The following FAM117A variants were observed in gnomAD, a reference collection of about 807,000 sequenced individuals.
The protein encoded by FAM117A is protein FAM117A.
In FAM117A, 21 loss-of-function variants were observed where a neutral mutation model predicts 44.1. That is an observed-to-expected ratio of 0.48 (90% CI 0.34 to 0.69). The LOEUF (loss-of-function observed/expected upper bound fraction) is 0.69, where lower values mean the gene tolerates loss of function less well. Among genes scored for constraint, FAM117A ranks in the 30% least tolerant of loss-of-function variants. The probability of loss-of-function intolerance (pLI) is 0.01; values close to 1 mark genes in which losing one functional copy is unlikely to be tolerated. For synonymous variants in FAM117A, 220 were observed against 238.3 expected (o/e 0.92, Z 0.71); for missense variants, 498 against 589.9 (o/e 0.84, Z 1.61).
intron 1 of FAM117A, among the ~76,000 whole-genome samples, chr17:49,752,671 C>T (rs1484631980): frequency 6.6e-6 from 1 of 152,164 alleles, no homozygotes; most frequent in African/African-American, 2.4e-5. Flanking sequence ...GTTAGCCACT[C>T]ATTCTACATG....
chr17:49,780,392 T>C (rs1328568115), intron 1 of FAM117A, among the ~76,000 whole-genome samples: 2 of 152,190 alleles, frequency 1.3e-5, no homozygotes, highest in African/African-American at 4.8e-5. Flanking sequence ...CAAGACTGAC[T>C]AGGGCTTTTA....
At chr17:49,779,297 A>G (rs2073783069) in intron 1 of FAM117A, among the ~76,000 whole-genome samples, 1 of 152,200 alleles carries the variant, frequency 6.6e-6, no homozygotes. Flanking sequence ...CAGATTACTA[A>G]TGCTACTTAC....
At position 49,722,593 on chromosome 17, in the gene FAM117A, G is replaced by A; in HGVS notation, c.368C>T (p.Thr123Met). Residue 123 changes from threonine to methionine, a missense_variant and splice_region_variant, in exon 3 of 8, where the codon ACG (threonine) becomes ATG (methionine). Transcript: ENST00000240364. The stretch of plus-strand genomic sequence containing the variant: ...TTCTAGCTCTTGCCAGGACAGGGGC[G>A]TCTGCAGGGAGAGAAACACAGTGAG... Reference protein sequence around the residue: ...TCCTNDKATQTPLSWQELEGE... With the variant: ...TCCTNDKATQMPLSWQELEGE... 6 of 1,613,326 alleles carry A rather than the reference G, an allele frequency of 3.7e-6. No homozygotes were observed. The highest frequency in any genetic ancestry group is 5.1e-6 in the Non-Finnish European group (6 of 1,179,624).
chr17:49,771,008 AC>A (rs2073759488), intron 1 of FAM117A, among the ~76,000 whole-genome samples: 2 of 152,160 alleles, frequency 1.3e-5, no homozygotes, highest in African/African-American at 4.8e-5. Flanking sequence ...GGAGTTCGAG[AC>A]CAGCCTGGCC....
chr17:49,767,911 T>TAA (rs533542842), upstream of FAM117A, among the ~76,000 whole-genome samples: 1 of 141,904 alleles, frequency 7.0e-6, no homozygotes, highest in Non-Finnish European at 1.6e-5. Context: ...AAAATAATAA[T>TAA]AAAAAAAAAA....
chr17:49,711,244 G>A lies in FAM117A; in HGVS notation c.*11C>T. 1 of 1,585,160 alleles carries A rather than the reference G, an allele frequency of 6.3e-7. No individual in the cohort carries two copies. Among genetic ancestry groups the A allele is most frequent in the Non-Finnish European group, 8.6e-7 (1 of 1,164,164 alleles). ...TGGTCTCTATGGTAAAGTGGGGCAG[G>A]GGTGGGACCCTCAGACCATCAGGGA... On this transcript the variant is annotated 3_prime_UTR_variant, in exon 8 of 8. Coordinates refer to ENST00000240364, the MANE Select transcript of FAM117A (RefSeq NM_030802.4).
chr17:49,734,570 C>T (rs539777150), intron 1 of FAM117A, among the ~76,000 whole-genome samples: 11 of 151,380 alleles, frequency 7.3e-5, no homozygotes, highest in Middle Eastern at 3.4e-3. Flanking sequence ...CCAGCCTGGG[C>T]GAAAGAGTGA....
At chr17:49,779,963 G>A (rs189386957) in intron 1 of FAM117A, among the ~76,000 whole-genome samples, 76 of 152,296 alleles carry the variant, frequency 5.0e-4, no homozygotes, top group African/African-American at 1.7e-3. Flanking sequence ...CAAGAAAATC[G>A]TTCTTAACTT....
chr17:49,760,511 C>G lies in FAM117A; in HGVS notation c.196+3381G>C, dbSNP rs8078670. Among the ~76,000 whole-genome samples, 325 of 152,098 alleles carry G rather than the reference C, an allele frequency of 2.1e-3. 1 individual carries two copies. The highest frequency in any genetic ancestry group is 7.4e-3 in the African/African-American group (309 of 41,484). On this transcript the variant is annotated intron_variant, in intron 1 of 7. Coordinates refer to ENST00000240364, the MANE Select transcript of FAM117A (RefSeq NM_030802.4). The stretch of plus-strand genomic sequence containing the variant: ...AAAACTTTATTTACAAAAATAGGCC[C>G]AGGGCCAGATATGGCCTGTAGACCA...
chr17:49,719,742 G>A lies in FAM117A; in HGVS notation c.708+18C>T, dbSNP rs755845613. On this transcript the variant is annotated intron_variant, in intron 5 of 7. Transcript: ENST00000240364. ...AGGCACGGACTGTGGGTGCACTCAG[G>A]GTGCAGCCGCCACTCACCCTCAGCA... The A allele has an allele frequency of 5.1e-5, 79 of 1,547,494 alleles. No individual in the cohort carries two copies. The African/African-American group carries it at 1.0e-3, about 20-fold the overall frequency.
intron 1 of FAM117A, among the ~76,000 whole-genome samples, chr17:49,771,411 T>A (rs2073760631): frequency 2.6e-5 from 4 of 152,002 alleles, no homozygotes. Flanking sequence ...CCTTATGATA[T>A]CCCTAAAGAG....
rs1555597389 is a variant in FAM117A at position 49,751,299 on chromosome 17, A to AG, written c.196+12592dup. 4.9e-3 allele frequency among the ~76,000 whole-genome samples: 723 copies of AG among 148,818 alleles called. 8 individuals carry two copies. Among genetic ancestry groups the AG allele is most frequent in the African/African-American group, 0.017 (672 of 40,066 alleles). On this transcript the variant is annotated intron_variant, in intron 1 of 7. Coordinates refer to ENST00000240364, the MANE Select transcript of FAM117A (RefSeq NM_030802.4). ...GTCTCCAAAAAAAAAAAAAAAAAAA[A>AG]GCCGGGCGCGCTGGCTCACACCTGT...
intron 1 of FAM117A, chr17:49,788,364 G>A (rs1294234503): frequency 6.3e-6 from 1 of 157,880 alleles, no homozygotes; most frequent in East Asian, 1.8e-4. Context: ...GGATTCTGGG[G>A]GGTTTCCTTC....
chr17:49,718,284 G>C (rs753219546), intron 5 of FAM117A, among the ~76,000 whole-genome samples: 1 of 152,194 alleles, frequency 6.6e-6, no homozygotes, highest in Non-Finnish European at 1.5e-5. Flanking sequence ...CCAACTAGTA[G>C]GTAAATCATA....
At chr17:49,720,266 C>G (rs1172738363) in intron 4 of FAM117A, 60 bp downstream of exon 4, 1 of 1,350,286 alleles carries the variant, frequency 7.4e-7, no homozygotes, top group South Asian at 1.2e-5. Context: ...AACCTCTGCC[C>G]ATATAGGGGG....
chr17:49,717,443 G>T, intron 6 of FAM117A, 70 bp downstream of exon 6: 2 of 1,372,960 alleles, frequency 1.5e-6, no homozygotes, highest in Non-Finnish European at 1.0e-6. Context: ...ATTGACTAGA[G>T]GTGGAAAAGG....
At chr17:49,713,918 C>T (rs778965461) in intron 7 of FAM117A, among the ~76,000 whole-genome samples, 4 of 152,112 alleles carry the variant, frequency 2.6e-5, no homozygotes, top group Non-Finnish European at 4.4e-5. Context: ...GGTAAAGGCC[C>T]ACGTGGTGGG....
chr17:49,768,875 G>A (rs1598036808), upstream of FAM117A, among the ~76,000 whole-genome samples: 1 of 152,130 alleles, frequency 6.6e-6, no homozygotes, highest in African/African-American at 2.4e-5. Context: ...TGTGGCCCAC[G>A]ACATGCTGTC....
intron 1 of FAM117A, among the ~76,000 whole-genome samples, chr17:49,736,706 C>T (rs889697350): frequency 7.9e-5 from 12 of 152,186 alleles, no homozygotes; most frequent in Non-Finnish European, 1.6e-4. Context: ...TGAGATTTTG[C>T]ATGGGCCCAG....
Sources: allele counts gnomAD v4.1 joint callset (sites outside exome capture counted in the v4.1 genomes callset), GRCh38; gene constraint gnomAD v4.1.1; transcripts MANE v1.5; gene names NCBI Gene and HGNC (gene_info 2026-07-23, HGNC 2026-07-21).